The following RBFOX1 variants were observed in gnomAD, a reference collection of about 807,000 sequenced individuals.
RBFOX1 encodes the protein RNA binding protein fox-1 homolog 1.
In RBFOX1, 8 loss-of-function variants were observed where a neutral mutation model predicts 57.7. The observed-to-expected ratio is 0.14, with a 90% CI of 0.08 to 0.25. The LOEUF is 0.25. RBFOX1 is among the 10% of genes least tolerant of loss of function. The probability of loss-of-function intolerance (pLI) is 1.00; values close to 1 mark genes in which losing one functional copy is unlikely to be tolerated. For synonymous variants in RBFOX1, 326 were observed against 222.4 expected, an observed-to-expected ratio of 1.47 and a Z score of -4.15; for missense variants, 611 against 548.5, an observed-to-expected ratio of 1.11 and a Z score of -1.14.
In RBFOX1 at chr16:7,695,786, C is replaced by G. The variant is rs562589895; in HGVS notation, c.996-13270C>G. ...TTGAATCCTGCTATCTACTGGATAT[C>G]AGAGTTTGACAAAAGACAAGTTCTC... is the stretch of plus-strand genomic sequence containing the variant. On this transcript the variant is annotated intron_variant, in intron 14 of 15. Coordinates refer to ENST00000550418, the MANE Select transcript of RBFOX1 (RefSeq NM_018723.4). Among the ~76,000 whole-genome samples the G allele has an allele frequency of 7.2e-5, 11 of 151,760 alleles. No individual in the cohort carries two copies. In the South Asian group the frequency reaches 2.3e-3, roughly 32 times the overall value.
intron 2 of RBFOX1, among the ~76,000 whole-genome samples, chr16:5,531,854 T>A (rs535200524): frequency 6.6e-6 from 1 of 150,650 alleles, no homozygotes; most frequent in Admixed American, 6.7e-5. Flanking sequence ...CAGGCTGAAG[T>A]GCAGTGGTGC....
rs77414711 is a variant in RBFOX1, at chr16:6,945,979, T to C, written c.-15-106078T>C. On this transcript the variant is annotated intron_variant, in intron 3 of 15. Coordinates refer to ENST00000550418, the MANE Select transcript of RBFOX1 (RefSeq NM_018723.4). ...CATTCTGCCTCAATTTCCACAAGTGTCTTTTGGCCTGAGGTCTTTCTGGAG... is the reference window on the plus strand; with the variant it reads ...CATTCTGCCTCAATTTCCACAAGTGCCTTTTGGCCTGAGGTCTTTCTGGAG... Among the ~76,000 whole-genome samples, 4 of 152,328 alleles carry C rather than the reference T, an allele frequency of 2.6e-5. No individual in the cohort carries two copies. In the East Asian group the frequency reaches 7.7e-4, roughly 29 times the overall value.
At chr16:5,309,457 A>G (rs369861743) in intron 1 of RBFOX1, among the ~76,000 whole-genome samples, 3 of 152,224 alleles carry the variant, frequency 2.0e-5, no homozygotes, top group Non-Finnish European at 4.4e-5. Context: ...CTAGAGGTTC[A>G]TAATGCCATG....
chr16:6,110,938 G>A (rs532921726), intron 1 of RBFOX1, among the ~76,000 whole-genome samples: 1 of 152,314 alleles, frequency 6.6e-6, no homozygotes, highest in Admixed American at 6.5e-5. Context: ...CTAGTGTGGA[G>A]TAAAGGGAAA....
intron 2 of RBFOX1, among the ~76,000 whole-genome samples, chr16:6,523,077 G>C (rs909319657): frequency 6.6e-6 from 1 of 152,098 alleles, no homozygotes; most frequent in Non-Finnish European, 1.5e-5. Context: ...CATATTTACT[G>C]CTCTTTAAAA....
chr16:5,672,274 G>A (rs1596683451), intron 3 of RBFOX1, among the ~76,000 whole-genome samples: 1 of 152,150 alleles, frequency 6.6e-6, no homozygotes, highest in East Asian at 1.9e-4. Context: ...TCTCTGATGA[G>A]TAAAATGAAT....
intron 3 of RBFOX1, among the ~76,000 whole-genome samples, chr16:6,854,449 T>G (rs12444215): frequency 6.6e-6 from 1 of 151,798 alleles, no homozygotes; most frequent in African/African-American, 2.4e-5. Context: ...GGAAATTCAA[T>G]GGCATGTTAC....
intron 2 of RBFOX1, among the ~76,000 whole-genome samples, chr16:6,569,132 A>G (rs766550048): frequency 3.9e-5 from 6 of 152,186 alleles, no homozygotes; most frequent in Non-Finnish European, 7.3e-5. Flanking sequence ...CTGCCTCTTG[A>G]TATCCATGTA....
chr16:6,351,731 T>C (rs1004771580), intron 2 of RBFOX1, among the ~76,000 whole-genome samples: 3 of 152,206 alleles, frequency 2.0e-5, no homozygotes, highest in Admixed American at 1.3e-4. Flanking sequence ...ATTATATGTA[T>C]GCATACATAT....
At chr16:6,635,060 A>G (rs1269674916) in intron 2 of RBFOX1, among the ~76,000 whole-genome samples, 4 of 125,828 alleles carry the variant, frequency 3.2e-5, no homozygotes, top group African/African-American at 1.1e-4. Context: ...TAGTTTAAAT[A>G]TATGTTATAT....
intron 4 of RBFOX1, among the ~76,000 whole-genome samples, chr16:5,893,380 C>G (rs1038944080): frequency 2.6e-5 from 4 of 152,178 alleles, no homozygotes; most frequent in Non-Finnish European, 5.9e-5. Flanking sequence ...TAGTCAAAAA[C>G]AATATAGTTG....
At chr16:7,428,661 G>A (rs1177603119) in intron 4 of RBFOX1, among the ~76,000 whole-genome samples, 2 of 151,782 alleles carry the variant, frequency 1.3e-5, no homozygotes, top group African/African-American at 4.8e-5. Flanking sequence ...GTGAGTCACT[G>A]CACCTGACCA....
At chr16:5,258,725 G>T (rs1441695493) in intron 1 of RBFOX1, among the ~76,000 whole-genome samples, 1 of 152,110 alleles carries the variant, frequency 6.6e-6, no homozygotes, top group African/African-American at 2.4e-5. Context: ...AGACCATCCT[G>T]ACCAACATGG....
intron 3 of RBFOX1, among the ~76,000 whole-genome samples, chr16:5,652,640 CA>C (rs1369173644): frequency 6.6e-6 from 1 of 152,174 alleles, no homozygotes; most frequent in African/African-American, 2.4e-5. Context: ...CCCGGCTTCA[CA>C]TTCAGAAGCT....
chr16:5,378,533 G>C (rs1478366567), intron 1 of RBFOX1, among the ~76,000 whole-genome samples: 2 of 151,590 alleles, frequency 1.3e-5, no homozygotes, highest in East Asian at 1.9e-4. Flanking sequence ...AATAGCCTCA[G>C]CAGAACCTCC....
intron 2 of RBFOX1, among the ~76,000 whole-genome samples, chr16:5,548,168 A>ATATATAT (rs1256241961): frequency 5.2e-5 from 3 of 57,170 alleles, no homozygotes; most frequent in South Asian, 5.1e-4. Context: ...TAAAAAAAAA[A>ATATATAT]AAAAAAATAT....
chr16:7,119,400 C>T (rs139268941), intron 4 of RBFOX1, among the ~76,000 whole-genome samples: 159 of 152,138 alleles, frequency 1.0e-3, no homozygotes, highest in South Asian at 3.7e-3. Flanking sequence ...GTACAATAAA[C>T]GAGCTATCTT....
chr16:6,604,995 A>T (rs542725420), intron 2 of RBFOX1, among the ~76,000 whole-genome samples: 1 of 152,062 alleles, frequency 6.6e-6, no homozygotes, highest in East Asian at 1.9e-4. Flanking sequence ...ATAAAATTAT[A>T]TATAAATATA....
At chr16:5,377,905 G>A (rs534478) in intron 1 of RBFOX1, among the ~76,000 whole-genome samples, 9,628 of 151,622 alleles carry the variant, frequency 0.064, 1,094 homozygotes, top group African/African-American at 0.19. Context: ...ACAGTTTTCC[G>A]TTTGAAACCG....
Sources: allele counts gnomAD v4.1 joint callset (sites outside exome capture counted in the v4.1 genomes callset), GRCh38; gene constraint gnomAD v4.1.1; transcripts MANE v1.5; gene names NCBI Gene and HGNC (gene_info 2026-07-23, HGNC 2026-07-21).